The following FMO5 variants were observed in gnomAD, a reference collection of about 807,000 sequenced individuals.
FMO5 encodes the protein flavin-containing monooxygenase 5.
In FMO5, 51 loss-of-function variants were observed where a neutral mutation model predicts 43.6. The ratio of observed to expected loss-of-function variants is 1.17; its 90% CI spans 0.93 to 1.48. The LOEUF (loss-of-function observed/expected upper bound fraction) is 1.48. Among genes scored for constraint, FMO5 ranks in the 40% most tolerant of loss-of-function variants. The probability of loss-of-function intolerance (pLI) is 0.00; values close to 1 mark genes in which losing one functional copy is unlikely to be tolerated. For missense variants in FMO5, 644 were observed against 643.0 expected (o/e 1.00, Z -0.02); for synonymous variants, 187 against 216.5 (o/e 0.86, Z 1.20).
At position 147,190,261 on chromosome 1, in the gene FMO5, A is replaced by C. The variant is rs1479168152; in HGVS notation, c.1184-12T>G. On this transcript the variant is annotated splice_polypyrimidine_tract_variant and intron_variant, in intron 7 of 8. Transcript: ENST00000254090. Reference sequence around the variant, plus strand: ...CAATGTCTTTAGACCTAAAAACAAAAATTAACATTTTAACTGTAAAATTAC... The same window carrying C: ...CAATGTCTTTAGACCTAAAAACAAACATTAACATTTTAACTGTAAAATTAC... 24 of 1,545,100 alleles carry C rather than the reference A, an allele frequency of 1.6e-5. No homozygotes were observed. The highest frequency in any genetic ancestry group is 1.9e-5 in the Non-Finnish European group (21 of 1,120,850).
chr1:147,224,138 A>C, intron 2 of FMO5: 1 of 316,120 alleles, frequency 3.2e-6, no homozygotes, highest in Non-Finnish European at 6.3e-6. Context: ...TCTAGTCCAC[A>C]GGAAGACCTG....
rs782557704 is a variant in FMO5 at position 147,187,273 on chromosome 1, C to T, written c.1257-28G>A. 7.3e-6 allele frequency: 11 copies of T among 1,514,584 alleles called. 1 individual carries two copies. In the South Asian group the frequency reaches 1.3e-4, roughly 18 times the overall value. 93.8% of individuals were successfully genotyped at this position (1,514,584 alleles called of 1,614,324 possible). A position where few individuals can be genotyped will look rare whatever the true frequency, so the allele number is the denominator to read the frequency against. On this transcript the variant is annotated intron_variant, in intron 8 of 8. Coordinates refer to ENST00000254090, the MANE Select transcript of FMO5 (RefSeq NM_001461.4). ...AAAGTAGAAAAGACAGAAACCATGGCCTGTCAATAATTCAATCAGTCAGTC... is the reference window on the plus strand; with the variant it reads ...AAAGTAGAAAAGACAGAAACCATGGTCTGTCAATAATTCAATCAGTCAGTC...
chr1:147,195,730 C>T (rs781987444), intron 7 of FMO5, among the ~76,000 whole-genome samples: 15 of 152,214 alleles, frequency 9.9e-5, no homozygotes, highest in African/African-American at 3.6e-4. Flanking sequence ...ATTTTGGCCA[C>T]ATCCAGTCCT....
downstream of FMO5, among the ~76,000 whole-genome samples, chr1:147,185,091 G>A (rs782150605): frequency 6.6e-6 from 1 of 152,050 alleles, no homozygotes; most frequent in African/African-American, 2.4e-5. Flanking sequence ...TCAGTAACAA[G>A]AGCTTTGTAT....
At chr1:147,184,852 A>G (rs587761501), downstream of FMO5, among the ~76,000 whole-genome samples, 10 of 152,238 alleles carry the variant, frequency 6.6e-5, no homozygotes, top group Admixed American at 3.9e-4. This position sits in a 1 kb window ranked among gnomAD's most constrained non-coding sequence, Gnocchi z 4.4. Context: ...ACACTAGAGA[A>G]GTAGGAAGTT....
Position 147,208,974 on chromosome 1 carries a change from G to C in FMO5, c.708C>G (p.Phe236Leu). 6.2e-7 allele frequency: 1 copy of C among 1,614,022 alleles called. No individual in the cohort carries two copies. Among genetic ancestry groups the C allele is most frequent in the Non-Finnish European group, 8.5e-7 (1 of 1,179,936 alleles). ...GDYGYPADVL[F>L]SSRLTHFIWK... Reference sequence around the variant, plus strand: ...ATATAAAATGTGTAAGTCGAGAAGAGAACAACACATCAGCAGGATATCCGT... The same window carrying C: ...ATATAAAATGTGTAAGTCGAGAAGACAACAACACATCAGCAGGATATCCGT... Residue 236 changes from phenylalanine to leucine, a missense_variant, in exon 6 of 9, where the codon TTC becomes TTG. By Grantham distance (22) the Phe-to-Leu change is conservative. Transcript: ENST00000254090.
At chr1:147,224,666 C>T (rs1370431007) in intron 2 of FMO5, among the ~76,000 whole-genome samples, 1 of 152,112 alleles carries the variant, frequency 6.6e-6, no homozygotes, top group African/African-American at 2.4e-5. Flanking sequence ...CCCGCCACCA[C>T]GCCCGGCTAA....
chr1:147,217,874 A>G (rs1553925340), intron 2 of FMO5, among the ~76,000 whole-genome samples: 1 of 152,144 alleles, frequency 6.6e-6, no homozygotes, highest in Non-Finnish European at 1.5e-5. Context: ...TATCTCTCCA[A>G]CTAGATTGTA....
Position 147,201,200 on chromosome 1 carries a change from T to C in FMO5, c.1135A>G (p.Met379Val). ...CGTCCTTGGAGCTCTGAAATGGGCA[T>C]AATGGCTCCTAAGGGCTGAATCAAG... ...IGLIQPLGAIMPISELQGRWA... is the reference protein window; with the variant it reads ...IGLIQPLGAIVPISELQGRWA... Residue 379 changes from methionine (M) to valine (V), a missense_variant, in exon 7 of 9, where the codon ATG becomes GTG. Coordinates refer to ENST00000254090, the MANE Select transcript of FMO5 (RefSeq NM_001461.4). The C allele has an allele frequency of 1.9e-6, 3 of 1,614,152 alleles. No individual in the cohort carries two copies. The highest frequency in any genetic ancestry group is 2.5e-6 in the Non-Finnish European group (3 of 1,179,996).
chr1:147,203,475 A>G (rs1305132352), intron 6 of FMO5: 1 of 832,252 alleles, frequency 1.2e-6, no homozygotes, highest in African/African-American at 1.7e-5. Flanking sequence ...CTACAGCCTC[A>G]GTATCTAATC....
chr1:147,209,920 A>G, intron 5 of FMO5: 1 of 152,240 alleles, frequency 6.6e-6, no homozygotes, highest in Non-Finnish European at 1.5e-5. Context: ...TTTTATTGAT[A>G]TTAAACTTTC....
chr1:147,198,009 C>G (rs1553920159), intron 7 of FMO5, among the ~76,000 whole-genome samples: 1 of 152,122 alleles, frequency 6.6e-6, no homozygotes, highest in Non-Finnish European at 1.5e-5. Flanking sequence ...TGGTGGTAGG[C>G]CTTCAGTCTG....
At chr1:147,191,260 G>C (rs148919901) in intron 7 of FMO5, among the ~76,000 whole-genome samples, 5,601 of 152,114 alleles carry the variant, frequency 0.037, 157 homozygotes, top group South Asian at 0.095. Flanking sequence ...AATCGCCACA[G>C]TGACTTCCAC....
chr1:147,217,103 G>T (rs1662128858), intron 2 of FMO5, among the ~76,000 whole-genome samples: 1 of 152,126 alleles, frequency 6.6e-6, no homozygotes, highest in Non-Finnish European at 1.5e-5. Context: ...AGCCGGGCGT[G>T]GTGGCGCATG....
chr1:147,189,189 G>T (rs1302652032), intron 8 of FMO5, among the ~76,000 whole-genome samples: 4 of 151,824 alleles, frequency 2.6e-5, no homozygotes, highest in African/African-American at 9.7e-5. Flanking sequence ...CAGGAGAATC[G>T]CTTGAACCCA....
At chr1:147,213,158 T>A in intron 4 of FMO5, 150 bp downstream of exon 4, 1 of 646,906 alleles carries the variant, frequency 1.5e-6, no homozygotes, top group Non-Finnish European at 2.3e-6. Flanking sequence ...TAATACAAGT[T>A]ACCCCAACAT....
chr1:147,203,714 C>T (rs781987388), intron 6 of FMO5: 20 of 1,512,014 alleles, frequency 1.3e-5, no homozygotes, highest in Admixed American at 3.4e-5. Flanking sequence ...GGGTACAAGA[C>T]GTTTATCCCT....
Position 147,209,067 on chromosome 1 carries a change from A to C in FMO5, c.631-16T>G. 2 of 1,608,160 alleles carry C rather than the reference A, an allele frequency of 1.2e-6. No homozygotes were observed. Among genetic ancestry groups the C allele is most frequent in the Non-Finnish European group, 1.7e-6 (2 of 1,175,966 alleles). On this transcript the variant is annotated splice_polypyrimidine_tract_variant and intron_variant, in intron 5 of 8. Transcript: ENST00000254090. ...TGAGGAAAACCTGGGGCATGGAAGA[A>C]ATTGTTTGCTTTTGTCACTCAGATT...
intron 7 of FMO5, among the ~76,000 whole-genome samples, chr1:147,195,216 C>T (rs587612314): frequency 1.3e-4 from 20 of 152,174 alleles, no homozygotes; most frequent in Non-Finnish European, 2.4e-4. Flanking sequence ...TCTTTTTATT[C>T]TTTTTTCTCT....
Sources: gnomAD v4.1 joint callset for allele counts (sites outside exome capture counted in the v4.1 genomes callset) on GRCh38, gnomAD v4.1.1 for gene constraint, Gnocchi (gnomAD v3.1) non-coding constraint, MANE v1.5 for transcripts, NCBI Gene and HGNC (gene_info 2026-07-23, HGNC 2026-07-21) for gene names.